Variants in CRISPLD2 observed in about 807,000 individuals in gnomAD.
CRISPLD2 encodes the protein cysteine-rich secretory protein LCCL domain-containing 2.
In CRISPLD2, 47 loss-of-function variants were observed where a neutral mutation model predicts 71.1. That is an observed-to-expected ratio of 0.66 (90% CI 0.52 to 0.84). The LOEUF is 0.84. CRISPLD2 is among the 40% of genes least tolerant of loss of function. CRISPLD2 has a pLI of 0.00. For synonymous variants in CRISPLD2, 317 were observed against 250.1 expected (o/e 1.27, Z -2.52); for missense variants, 830 against 651.1 (o/e 1.27, Z -2.99).
In CRISPLD2 at chr16:84,889,343, G is replaced by C. The variant is rs1320314936; in HGVS notation, c.1419G>C (p.Arg473Ser). 4.3e-6 allele frequency: 7 copies of C among 1,613,446 alleles called. No individual in the cohort carries two copies. In the Admixed American group the frequency reaches 1.0e-4, roughly 23 times the overall value. The change falls in exon 14 of 15, where the codon AGG becomes AGC. Residue 473 changes from arginine (R) to serine (S), a missense_variant. Arg to Ser is a moderately radical substitution (Grantham distance 110). Coordinates refer to ENST00000262424, the MANE Select transcript of CRISPLD2 (RefSeq NM_031476.4). ...AGAAGACCTACGTGGGCTCGCTCAG[G>C]AATGGAGTTCAGTCTGAAAGGTAGG... is the stretch of plus-strand genomic sequence containing the variant. ...DKKKTYVGSL[R>S]NGVQSESLGT...
intron 13 of CRISPLD2, among the ~76,000 whole-genome samples, chr16:84,888,065 A>G (rs1476884893): frequency 1.3e-5 from 2 of 152,242 alleles, no homozygotes; most frequent in Non-Finnish European, 2.9e-5. Context: ...CAGGTTTATT[A>G]TCTTTACAGT....
intron 1 of CRISPLD2, 130 bp from the exon 2 acceptor site, chr16:84,838,292 C>CA (rs1414088050): frequency 5.0e-5 from 31 of 625,466 alleles, no homozygotes; most frequent in Admixed American, 8.8e-5. Context: ...GCTTGTTTAG[C>CA]TTCTGTGGGC....
At chr16:84,848,054 T>A (rs1375270268) in intron 3 of CRISPLD2, among the ~76,000 whole-genome samples, 4 of 152,188 alleles carry the variant, frequency 2.6e-5, no homozygotes, top group African/African-American at 7.2e-5. Flanking sequence ...CACACAGACT[T>A]CCCCCTTTCT....
chr16:84,837,081 A>G (rs1448050301), intron 1 of CRISPLD2, among the ~76,000 whole-genome samples: 1 of 152,110 alleles, frequency 6.6e-6, no homozygotes, highest in African/African-American at 2.4e-5. Flanking sequence ...GTCCAGCACA[A>G]AATAAGGCGC....
intron 1 of CRISPLD2, among the ~76,000 whole-genome samples, chr16:84,825,092 G>A (rs1225490717): frequency 1.3e-5 from 2 of 152,152 alleles, no homozygotes; most frequent in East Asian, 1.9e-4. Context: ...GGGTGACGGA[G>A]CGAGATGCCA....
rs923414526 is a variant in CRISPLD2, at chr16:84,877,502, C to G, written c.1221C>G (p.His407Gln). The G allele has an allele frequency of 4.3e-6, 7 of 1,613,756 alleles. No individual in the cohort carries two copies. The South Asian group carries it at 5.5e-5, about 13-fold the overall frequency. The change falls in exon 12 of 15, where the codon CAC (histidine) becomes CAG (glutamine). Residue 407 changes from histidine to glutamine, a missense_variant. By Grantham distance (24) the His-to-Gln change is conservative (BLOSUM62 0). Coordinates refer to ENST00000262424, the MANE Select transcript of CRISPLD2 (RefSeq NM_031476.4). Reference protein sequence around the residue: ...QLCPFEKPATHCPRIHCPAHC... With the variant: ...QLCPFEKPATQCPRIHCPAHC... ...GCCCGTTTGAAAAGCCAGCAACTCA[C>G]TGCCCAAGGTAAGGCGGGCCTGATC...
intron 11 of CRISPLD2, among the ~76,000 whole-genome samples, chr16:84,874,564 A>C (rs568137862): frequency 6.6e-6 from 1 of 152,350 alleles, no homozygotes; most frequent in Admixed American, 6.5e-5. Context: ...TCAGGCAAGC[A>C]AGGATGTAGG....
At chr16:84,898,012 G>A (rs1010114288) in intron 14 of CRISPLD2, among the ~76,000 whole-genome samples, 6 of 152,222 alleles carry the variant, frequency 3.9e-5, no homozygotes, top group African/African-American at 1.2e-4. Flanking sequence ...TAGCCACACC[G>A]TGGTTTCAGT....
At position 84,880,495 on chromosome 16, in the gene CRISPLD2, T is replaced by C. The variant is rs1188273459; in HGVS notation, c.1230-14T>C. The C allele has an allele frequency of 3.1e-6, 5 of 1,609,000 alleles. No homozygotes were observed. The highest frequency in any genetic ancestry group is 4.2e-6 in the Non-Finnish European group (5 of 1,176,838). On this transcript the variant is annotated splice_polypyrimidine_tract_variant and intron_variant, in intron 12 of 14. Transcript: ENST00000262424. Reference sequence around the variant, plus strand: ...GTGCTCAGACCCATCACATAAATGCTTCCTGTTTTTCAGAATCCATTGTCC... The same window carrying C: ...GTGCTCAGACCCATCACATAAATGCCTCCTGTTTTTCAGAATCCATTGTCC...
At chr16:84,840,210 T>A (rs1040923322) in intron 2 of CRISPLD2, among the ~76,000 whole-genome samples, 1 of 152,140 alleles carries the variant, frequency 6.6e-6, no homozygotes, top group Admixed American at 6.6e-5. Context: ...CTGGCCTGGG[T>A]GATGACCCGT....
intron 12 of CRISPLD2, among the ~76,000 whole-genome samples, chr16:84,879,455 C>G (rs2071549265): frequency 2.0e-5 from 3 of 151,940 alleles, no homozygotes; most frequent in African/African-American, 4.8e-5. Context: ...CTCTGCCTCC[C>G]AGATTCAAGC....
chr16:84,887,249 G>C (rs1012878030), intron 13 of CRISPLD2, among the ~76,000 whole-genome samples: 4 of 152,198 alleles, frequency 2.6e-5, no homozygotes, highest in Non-Finnish European at 5.9e-5. Context: ...AAGCTTTTAA[G>C]CTCAGACCTG....
At chr16:84,878,054 CAAA>C (rs60773992) in intron 12 of CRISPLD2, among the ~76,000 whole-genome samples, 18 of 97,482 alleles carry the variant, frequency 1.8e-4, no homozygotes, top group South Asian at 3.3e-4. Context: ...ACTAAAAATA[CAAA>C]AAAAAAAAAA....
intron 13 of CRISPLD2, 106 bp from the exon 14 acceptor site, chr16:84,889,124 A>G: frequency 6.9e-7 from 1 of 1,443,482 alleles, no homozygotes; most frequent in Non-Finnish European, 9.7e-7. Context: ...GATGGGGTCC[A>G]CATCCCACCA....
In CRISPLD2 at chr16:84,850,657, C is replaced by G. The variant is rs779069297; in HGVS notation, c.582C>G (p.Val194=). 1 of 1,614,000 alleles carries G rather than the reference C, an allele frequency of 6.2e-7. No individual in the cohort carries two copies. Among genetic ancestry groups the G allele is most frequent in the Non-Finnish European group, 8.5e-7 (1 of 1,179,878 alleles). ...GGGGAGAAGTTTGGGAGAACGCGGT[C>G]TACTTTGTCTGCAATTATTCTCCAA... ...TVWGEVWENA[V]YFVCNYSPKG... is the part of the protein sequence containing the mutation. The change falls in exon 5 of 15, where the codon GTC becomes GTG. Residue 194 remains valine, a synonymous_variant. Transcript: ENST00000262424.
rs2071824634 is a variant in CRISPLD2 at position 84,908,523 on chromosome 16, G to T, written c.*1881G>T. The T allele has an allele frequency of 6.6e-6, 1 of 152,110 alleles. No individual in the cohort carries two copies. The allele number at this position is 152,110 out of a possible 1,614,324, so 9.4% of individuals were successfully genotyped here. A position where few individuals can be genotyped will look rare whatever the true frequency, so the allele number is the denominator to read the frequency against. On this transcript the variant is annotated 3_prime_UTR_variant, in exon 15 of 15. Transcript: ENST00000262424. ...GAAGGGTCCAGGACGATCCCAGTGG[G>T]CTCGCTTCCAAAGCATCCCACTCAA...
chr16:84,825,776 A>AAAAT (rs374504577), intron 1 of CRISPLD2, among the ~76,000 whole-genome samples: 2 of 151,918 alleles, frequency 1.3e-5, no homozygotes, highest in East Asian at 3.9e-4. Flanking sequence ...TAAATAAATA[A>AAAAT]AAATAAATAC....
intron 1 of CRISPLD2, chr16:84,829,237 C>G (rs1486613694): frequency 6.6e-6 from 1 of 152,412 alleles, no homozygotes; most frequent in African/African-American, 2.4e-5. Context: ...GGAGCTGGAG[C>G]TGGACTGTGG....
intron 2 of CRISPLD2, among the ~76,000 whole-genome samples, chr16:84,841,809 G>C (rs1047754887): frequency 3.3e-5 from 5 of 152,134 alleles, no homozygotes; most frequent in African/African-American, 1.2e-4. Flanking sequence ...TGGCCAGGCT[G>C]GTCTCAAATT....
Sources: allele counts gnomAD v4.1 joint callset (sites outside exome capture counted in the v4.1 genomes callset), GRCh38; gene constraint gnomAD v4.1.1; transcripts MANE v1.5; gene names NCBI Gene and HGNC (gene_info 2026-07-23, HGNC 2026-07-21).